The following CSMD3 variants were observed in gnomAD, a reference collection of about 807,000 sequenced individuals.
CSMD3 encodes the protein CUB and Sushi multiple domains 3, also known as CUB and sushi domain-containing protein 3.
In CSMD3, 177 loss-of-function variants were observed where a neutral mutation model predicts 435.2. The ratio of observed to expected loss-of-function variants is 0.41; its 90% CI spans 0.36 to 0.46. The LOEUF is 0.46. CSMD3 is among the 20% of genes least tolerant of loss of function. CSMD3 has a pLI of 0.34. For synonymous variants in CSMD3, 1,656 were observed against 1,520.5 expected (o/e 1.09, Z -2.07); for missense variants, 4,265 against 4,504.6 (o/e 0.95, Z 1.52).
chr8:112,477,536 G>C (rs150156489), intron 31 of CSMD3, among the ~76,000 whole-genome samples: 1 of 152,138 alleles, frequency 6.6e-6, no homozygotes, highest in Non-Finnish European at 1.5e-5. Flanking sequence ...CCTCATGAAT[G>C]TCTTGGTGCT....
At chr8:113,012,064 T>C (rs543527017) in intron 6 of CSMD3, among the ~76,000 whole-genome samples, 1 of 151,714 alleles carries the variant, frequency 6.6e-6, no homozygotes, top group Admixed American at 6.6e-5. Context: ...CAAAATCAAA[T>C]ACAAAGAAAA....
At chr8:112,859,756 A>T (rs977343108) in intron 10 of CSMD3, among the ~76,000 whole-genome samples, 2 of 151,810 alleles carry the variant, frequency 1.3e-5, no homozygotes, top group African/African-American at 4.8e-5. Flanking sequence ...AGACTAAAAA[A>T]AAAAGCAGTT....
chr8:112,683,869 G>A (rs572386356), intron 15 of CSMD3, among the ~76,000 whole-genome samples: 56 of 151,494 alleles, frequency 3.7e-4, no homozygotes, highest in Non-Finnish European at 5.2e-4. Context: ...ATTAAGGTAC[G>A]TTTTAGAATA....
chr8:112,952,838 C>A (rs1234255537), intron 8 of CSMD3, among the ~76,000 whole-genome samples: 1 of 151,336 alleles, frequency 6.6e-6, no homozygotes, highest in African/African-American at 2.4e-5. Context: ...TATTTTAAAG[C>A]AAATATTTCT....
chr8:113,324,365 T>G (rs1024649603), intron 1 of CSMD3, among the ~76,000 whole-genome samples: 1 of 152,130 alleles, frequency 6.6e-6, no homozygotes, highest in African/African-American at 2.4e-5. Context: ...CTCTGGGCTG[T>G]GTGCAGCCTA....
At chr8:112,518,459 G>C (rs1823913923) in intron 27 of CSMD3, among the ~76,000 whole-genome samples, 1 of 152,142 alleles carries the variant, frequency 6.6e-6, no homozygotes, top group Non-Finnish European at 1.5e-5. Context: ...AGTGAGCCAT[G>C]ACTGTCCGTC....
chr8:113,211,918 AT>A (rs2092839683), intron 3 of CSMD3, among the ~76,000 whole-genome samples: 1 of 152,202 alleles, frequency 6.6e-6, no homozygotes, highest in African/African-American at 2.4e-5. Flanking sequence ...ACAAAGTGCC[AT>A]GTATGAAAAA....
At chr8:112,990,274 C>A (rs80192212) in intron 6 of CSMD3, among the ~76,000 whole-genome samples, 1 of 152,064 alleles carries the variant, frequency 6.6e-6, no homozygotes, top group East Asian at 1.9e-4. Context: ...TGTGTTACGC[C>A]ATATTGGACC....
At chr8:112,690,561 G>C (rs1017224651) in intron 13 of CSMD3, among the ~76,000 whole-genome samples, 1 of 147,816 alleles carries the variant, frequency 6.8e-6, no homozygotes, top group African/African-American at 2.5e-5. Context: ...TCTGGTACTA[G>C]TTGGTTGAAT....
chr8:113,352,677 G>A (rs1417677377), intron 1 of CSMD3, among the ~76,000 whole-genome samples: 2 of 152,066 alleles, frequency 1.3e-5, no homozygotes, highest in Non-Finnish European at 2.9e-5. Context: ...AGTGAGTCAA[G>A]CACACTGGAA....
At chr8:113,245,807 A>G (rs2093270133) in intron 3 of CSMD3, among the ~76,000 whole-genome samples, 1 of 151,976 alleles carries the variant, frequency 6.6e-6, no homozygotes, top group Admixed American at 6.6e-5. Flanking sequence ...TTTCTGTGAG[A>G]AAGATCTGCT....
intron 13 of CSMD3, among the ~76,000 whole-genome samples, chr8:112,796,843 GA>G (rs1272388156): frequency 2.0e-5 from 3 of 151,912 alleles, no homozygotes; most frequent in African/African-American, 7.2e-5. Context: ...CATCTACAAG[GA>G]TGTTACTGAT....
intron 13 of CSMD3, among the ~76,000 whole-genome samples, chr8:112,780,565 G>A (rs1423258797): frequency 1.3e-5 from 2 of 152,130 alleles, no homozygotes; most frequent in Non-Finnish European, 1.5e-5. Flanking sequence ...AAGAGACACT[G>A]AAGGGGGAAG....
intron 3 of CSMD3, among the ~76,000 whole-genome samples, chr8:113,231,556 AT>A (rs1361853606): frequency 6.6e-6 from 1 of 151,510 alleles, no homozygotes; most frequent in East Asian, 1.9e-4. Context: ...ATTGTGATCA[AT>A]TTTAATTTTG....
At position 112,314,556 on chromosome 8, in the gene CSMD3, A is replaced by T. The variant is rs2130837677; in HGVS notation, c.7422T>A (p.Tyr2474Ter). The T allele has an allele frequency of 6.2e-7, 1 of 1,612,328 alleles. No individual in the cohort carries two copies. Among genetic ancestry groups the T allele is most frequent in the Non-Finnish European group, 8.5e-7 (1 of 1,178,496 alleles). ...TTTGAAGATTTGGGTAACTGTCAGG[A>T]TATCCAGGGCTCAATATGACTCCAG... ...DSTGVILSPG[Y>*]PDSYPNLQMC... The change falls in exon 48 of 71, where the codon TAT becomes TAA. Residue 2474 changes from tyrosine to a stop codon, truncating the protein, a stop_gained. Transcript: ENST00000297405. LOFTEE classifies it high-confidence loss of function.
At chr8:112,233,648 T>C (rs1272331002) in intron 68 of CSMD3, among the ~76,000 whole-genome samples, 1 of 152,154 alleles carries the variant, frequency 6.6e-6, no homozygotes, top group East Asian at 1.9e-4. Flanking sequence ...TCCACTACAG[T>C]ATCTTCTTTC....
chr8:112,287,867 T>G (rs965648041), intron 57 of CSMD3, among the ~76,000 whole-genome samples: 1 of 152,196 alleles, frequency 6.6e-6, no homozygotes, highest in South Asian at 2.1e-4. Context: ...CTGACTTAAG[T>G]TTCTGATAAG....
intron 34 of CSMD3, among the ~76,000 whole-genome samples, chr8:112,407,354 T>C (rs1332195722): frequency 6.6e-6 from 1 of 152,060 alleles, no homozygotes; most frequent in Non-Finnish European, 1.5e-5. Context: ...ATTTTATAGG[T>C]ATGCCCTTTA....
At chr8:113,117,052 G>A (rs2090852078) in intron 4 of CSMD3, among the ~76,000 whole-genome samples, 1 of 152,204 alleles carries the variant, frequency 6.6e-6, no homozygotes, top group Non-Finnish European at 1.5e-5. Flanking sequence ...TTTCTGAAAA[G>A]AGATTCAAGC....
Sources: gnomAD v4.1 joint callset for allele counts (sites outside exome capture counted in the v4.1 genomes callset) on GRCh38, gnomAD v4.1.1 for gene constraint, MANE v1.5 for transcripts, NCBI Gene and HGNC (gene_info 2026-07-23, HGNC 2026-07-21) for gene names.